Variants in RPL23A observed in about 807,000 individuals in gnomAD.
The protein encoded by RPL23A is large ribosomal subunit protein uL23.
A neutral mutation model predicts 17.6 loss-of-function variants in RPL23A; 2 were observed. That is an observed-to-expected ratio of 0.11 (90% CI 0.05 to 0.36). The LOEUF is 0.36. Ranked by LOEUF, RPL23A falls within the 10% of genes least tolerant of loss-of-function variation. The pLI, the probability that RPL23A is intolerant of heterozygous loss-of-function variation, is 1.00. For missense variants in RPL23A, 132 were observed against 194.4 expected (o/e 0.68, Z 1.91); for synonymous variants, 65 against 74.3 (o/e 0.87, Z 0.65).
chr17:28,722,870 T>C lies in RPL23A; in HGVS notation c.357T>C (p.Ile119=). ...IKQAVKKLYD[I]DVAKVNTLIR... ...AGGCTGTGAAGAAGCTGTATGACAT[T>C]GATGTGGCCAAGGTCAACACCCTGA... Residue 119 remains isoleucine (I), a synonymous_variant, in exon 3 of 5, where the codon ATT becomes ATC. Transcript: ENST00000422514. 1 of 1,613,896 alleles carries C rather than the reference T, an allele frequency of 6.2e-7. No homozygotes were observed. The highest frequency in any genetic ancestry group is 8.5e-7 in the Non-Finnish European group (1 of 1,179,832).
intron 1 of RPL23A, chr17:28,720,362 T>A: frequency 3.9e-6 from 6 of 1,556,344 alleles, no homozygotes; most frequent in Non-Finnish European, 5.2e-6. Context: ...TTAACCATTT[T>A]CCTTCTGGTT....
chr17:28,722,122 C>G (rs1025687531), intron 2 of RPL23A, among the ~76,000 whole-genome samples: 2 of 149,100 alleles, frequency 1.3e-5, no homozygotes, highest in African/African-American at 5.0e-5. Flanking sequence ...TGGCAGGCGC[C>G]GCTAGTCCCA....
chr17:28,720,465 G>C, intron 1 of RPL23A: 1 of 1,608,988 alleles, frequency 6.2e-7, no homozygotes, highest in East Asian at 2.2e-5. Context: ...TTTCTGGAAA[G>C]TATCAAGCGT....
chr17:28,720,230 G>GA, intron 1 of RPL23A, 200 bp downstream of exon 1: 1 of 1,539,178 alleles, frequency 6.5e-7, no homozygotes, highest in African/African-American at 1.4e-5. Context: ...GGAGTTGGGG[G>GA]GGGGCAACGC....
At chr17:28,721,092 C>G in intron 2 of RPL23A, 2 of 500,804 alleles carry the variant, frequency 4.0e-6, no homozygotes, top group Non-Finnish European at 7.2e-6. Flanking sequence ...TGGCTCACGT[C>G]TGTAATCCCA....
In RPL23A at chr17:28,724,020, T is replaced by C; in HGVS notation, c.*139T>C. On this transcript the variant is annotated 3_prime_UTR_variant, in exon 5 of 5. Transcript: ENST00000422514. ...GACAGGGCTTGGGCAAGACTCCTGT[T>C]CTACTTATCCTTTTGAAATACCTCA... The C allele has an allele frequency of 1.7e-6, 1 of 601,232 alleles. No individual in the cohort carries two copies. Among genetic ancestry groups the C allele is most frequent in the Non-Finnish European group, 2.9e-6 (1 of 350,698 alleles). The allele number at this position is 601,232 out of a possible 1,614,324, so 37.2% of individuals were successfully genotyped here.
intron 2 of RPL23A, chr17:28,721,118 GA>G: frequency 2.4e-6 from 1 of 425,000 alleles, no homozygotes; most frequent in South Asian, 2.2e-5. Flanking sequence ...TTGGGAGGCC[GA>G]GGGGGGGCGG....
At position 28,722,868 on chromosome 17, in the gene RPL23A, A is replaced by G; in HGVS notation, c.355A>G (p.Ile119Val). 1 of 1,613,932 alleles carries G rather than the reference A, an allele frequency of 6.2e-7. No individual in the cohort carries two copies. The highest frequency in any genetic ancestry group is 8.5e-7 in the Non-Finnish European group (1 of 1,179,820). The change falls in exon 3 of 5, where the codon ATT (isoleucine) becomes GTT (valine). Residue 119 changes from isoleucine to valine, a missense_variant. Around this residue, in one of 2 missense-constraint regions of RPL23A, gnomAD observed 69 missense variants for 145.5 expected, o/e 0.47. Transcript: ENST00000422514. Reference sequence around the variant, plus strand: ...ACAGGCTGTGAAGAAGCTGTATGACATTGATGTGGCCAAGGTCAACACCCT... The same window carrying G: ...ACAGGCTGTGAAGAAGCTGTATGACGTTGATGTGGCCAAGGTCAACACCCT... ...IKQAVKKLYD[I>V]DVAKVNTLIR...
Position 28,724,283 on chromosome 17 carries a change from C to A in RPL23A, c.*402C>A. ...TCTGGTAGCATTTTGTCCTCACACA[C>A]CCATCTACTATGTCCAACCGGTCTG... On this transcript the variant is annotated 3_prime_UTR_variant, in exon 5 of 5. Transcript: ENST00000422514. The A allele has an allele frequency of 1.6e-6, 1 of 619,098 alleles. No homozygotes were observed. The highest frequency in any genetic ancestry group is 2.8e-6 in the Non-Finnish European group (1 of 354,200). The allele number at this position is 619,098 out of a possible 1,614,324, so 38.4% of individuals were successfully genotyped here.
chr17:28,720,087 C>A, intron 1 of RPL23A, 57 bp downstream of exon 1: 1 of 1,547,070 alleles, frequency 6.5e-7, no homozygotes, highest in Non-Finnish European at 8.7e-7. Flanking sequence ...CGCCGCAGAG[C>A]GAACGAATTG....
chr17:28,720,131 C>T (rs1261594460), intron 1 of RPL23A, 101 bp downstream of exon 1: 5 of 1,527,610 alleles, frequency 3.3e-6, no homozygotes, highest in Non-Finnish European at 3.5e-6. Flanking sequence ...CCTGAGGGCT[C>T]TGCTCCGGGG....
At chr17:28,722,643 TCTGATGCACCTAGGCTCTC>T (rs2034137354) in intron 2 of RPL23A, 61 bp from the exon 3 acceptor site, 1 of 1,141,734 alleles carries the variant, frequency 8.8e-7, no homozygotes, top group Non-Finnish European at 1.3e-6. Flanking sequence ...TACCTCGTTG[TCTGATGCACCTAGGCTCTC>T]CTGGCTCTGG....
chr17:28,723,005 C>A, intron 3 of RPL23A, 106 bp downstream of exon 3: 1 of 809,540 alleles, frequency 1.2e-6, no homozygotes, highest in South Asian at 1.5e-5. Flanking sequence ...CCTGGTAATG[C>A]AGGACTACAC....
Position 28,722,579 on chromosome 17 carries a change from C to G in RPL23A, c.210-144C>G, listed in dbSNP as rs753923340. ...ATTGGGGCTTCAGGCCCTTAGATTT[C>G]AGGGTGCAGATGATGACACTGTAAA... On this transcript the variant is annotated intron_variant, in intron 2 of 4. Coordinates refer to ENST00000422514, the MANE Select transcript of RPL23A (RefSeq NM_000984.6). The G allele has an allele frequency of 7.6e-6, 6 of 793,688 alleles. No homozygotes were observed. The African/African-American group carries it at 1.0e-4, about 13-fold the overall frequency. The allele number at this position is 793,688 out of a possible 1,614,324, so 49.2% of individuals were successfully genotyped here.
chr17:28,723,503 G>A, intron 3 of RPL23A, 68 bp from the exon 4 acceptor site: 1 of 1,092,768 alleles, frequency 9.2e-7, no homozygotes, highest in South Asian at 1.2e-5. Context: ...CGGAGGACTG[G>A]AGGAGGAAGG....
chr17:28,722,666 G>GTA, intron 2 of RPL23A, 57 bp from the exon 3 acceptor site: 1 of 1,446,980 alleles, frequency 6.9e-7, no homozygotes, highest in South Asian at 1.1e-5. Flanking sequence ...GGCTCTCCTG[G>GTA]CTCTGGGCTC....
chr17:28,720,259 G>C, intron 1 of RPL23A: 1 of 1,543,148 alleles, frequency 6.5e-7, no homozygotes, highest in Non-Finnish European at 8.8e-7. Context: ...TCATCCGCCA[G>C]GGAGGGCCAG....
chr17:28,720,160 A>C, intron 1 of RPL23A, 130 bp downstream of exon 1: 1 of 1,529,576 alleles, frequency 6.5e-7, no homozygotes, highest in South Asian at 1.2e-5. Flanking sequence ...TGCGTTTCGG[A>C]CACGCTGCAG....
chr17:28,720,995 C>T, intron 2 of RPL23A, 105 bp downstream of exon 2: 2 of 936,672 alleles, frequency 2.1e-6, no homozygotes, highest in East Asian at 2.6e-5. Flanking sequence ...AAATTGTGTC[C>T]AGTGTGCTTC....
Sources: allele counts gnomAD v4.1 joint callset (sites outside exome capture counted in the v4.1 genomes callset), GRCh38; gene constraint gnomAD v4.1.1; regional missense constraint gnomAD v4.1.1; transcripts MANE v1.5; gene names NCBI Gene and HGNC (gene_info 2026-07-23, HGNC 2026-07-21).